The following ENAH variants were observed in gnomAD, a reference collection of about 807,000 sequenced individuals.
ENAH encodes the protein protein enabled homolog.
A neutral mutation model predicts 78.7 loss-of-function variants in ENAH; 23 were observed. The observed-to-expected ratio is 0.29, with a 90% CI of 0.21 to 0.41. The LOEUF (loss-of-function observed/expected upper bound fraction) is 0.41. Among genes scored for constraint, ENAH ranks in the 10% least tolerant of loss-of-function variants. The pLI is 1.00. For synonymous variants in ENAH, 226 were observed against 241.0 expected (o/e 0.94, Z 0.58); for missense variants, 544 against 691.0 (o/e 0.79, Z 2.39).
intron 1 of ENAH, among the ~76,000 whole-genome samples, chr1:225,580,013 C>T (rs1227836703): frequency 6.6e-6 from 1 of 152,126 alleles, no homozygotes; most frequent in Non-Finnish European, 1.5e-5. Context: ...TCTCACCCTA[C>T]TGTGTGATTC....
intron 2 of ENAH, among the ~76,000 whole-genome samples, chr1:225,556,079 G>A (rs552863623): frequency 9.9e-5 from 15 of 152,222 alleles, no homozygotes; most frequent in Non-Finnish European, 1.9e-4. Context: ...TATGGTAGTC[G>A]TTTGTATAAA....
In ENAH at chr1:225,495,251, C is replaced by A. The variant is rs1322467571; in HGVS notation, c.*2524G>T. On this transcript the variant is annotated 3_prime_UTR_variant, in exon 14 of 14. Transcript: ENST00000366843. The stretch of plus-strand genomic sequence containing the variant: ...CATCCAACGTACAAGAGCACAAAAA[C>A]CATCATAATAATGTGGTTCCAAGGA... 1 of 152,510 alleles carries A rather than the reference C, an allele frequency of 6.6e-6. No individual in the cohort carries two copies. Among genetic ancestry groups the A allele is most frequent in the Non-Finnish European group, 1.5e-5 (1 of 68,010 alleles). The allele number at this position is 152,510 out of a possible 1,614,324, so 9.4% of individuals were successfully genotyped here.
At chr1:225,583,386 A>G (rs2096828894) in intron 1 of ENAH, among the ~76,000 whole-genome samples, 1 of 148,672 alleles carries the variant, frequency 6.7e-6, no homozygotes. Flanking sequence ...GTGAGCCAAG[A>G]TCGCGCCATT....
chr1:225,652,635 G>C (rs1160720112), intron 1 of ENAH, 51 bp downstream of exon 1: 3 of 1,263,092 alleles, frequency 2.4e-6, no homozygotes, highest in Non-Finnish European at 3.0e-6. Context: ...CGGGGGTCGC[G>C]GCTCCCGCGG....
In ENAH at chr1:225,495,133, G is replaced by C. The variant is rs1035537687; in HGVS notation, c.*2642C>G. 6.6e-6 allele frequency: 1 copy of C among 152,612 alleles called. No individual in the cohort carries two copies. The highest frequency in any genetic ancestry group is 2.4e-5 in the African/African-American group (1 of 41,444). The allele number at this position is 152,612 out of a possible 1,614,324, so 9.5% of individuals were successfully genotyped here. The stretch of plus-strand genomic sequence containing the variant: ...TTGTGAGCCATTTACATAGTGGATA[G>C]TACAGACTTGTCACAGGTCAGATCA... On this transcript the variant is annotated 3_prime_UTR_variant, in exon 14 of 14. Coordinates refer to ENST00000366843, the MANE Select transcript of ENAH (RefSeq NM_018212.6).
In ENAH at chr1:225,488,160, T is replaced by G. The variant is rs2096207551; in HGVS notation, c.*9615A>C. 6.6e-6 allele frequency: 1 copy of G among 151,114 alleles called. No individual in the cohort carries two copies. Among genetic ancestry groups the G allele is most frequent in the Non-Finnish European group, 1.5e-5 (1 of 67,776 alleles). The allele number at this position is 151,114 out of a possible 1,614,324, so 9.4% of individuals were successfully genotyped here. A position where few individuals can be genotyped will look rare whatever the true frequency, so the allele number is the denominator to read the frequency against. On this transcript the variant is annotated 3_prime_UTR_variant, in exon 14 of 14. Coordinates refer to ENST00000366843, the MANE Select transcript of ENAH (RefSeq NM_018212.6). ...CAGCACAATAGTCAAGGACAAGGTT[T>G]TTATTTATTTATTTATTTATTATTT... is the stretch of plus-strand genomic sequence containing the variant.
Position 225,490,884 on chromosome 1 carries a change from C to T in ENAH, c.*6891G>A, listed in dbSNP as rs1177353339. The T allele has an allele frequency of 2.6e-5, 4 of 152,206 alleles. No individual in the cohort carries two copies. Among genetic ancestry groups the T allele is most frequent in the Non-Finnish European group, 5.9e-5 (4 of 68,068 alleles). 9.4% of individuals were successfully genotyped at this position (152,206 alleles called of 1,614,324 possible). ...GCCTACAGCTAACTCAAATTCATCA[C>T]CTCAGACTCACTGTGATGCCCAACC... On this transcript the variant is annotated 3_prime_UTR_variant, in exon 14 of 14. Coordinates refer to ENST00000366843, the MANE Select transcript of ENAH (RefSeq NM_018212.6).
rs184723775 is a variant in ENAH, at chr1:225,590,636, T to G, written c.6-23222A>C. Among the ~76,000 whole-genome samples, 122 of 152,186 alleles carry G rather than the reference T, an allele frequency of 8.0e-4. 1 individual carries two copies. The highest frequency in any genetic ancestry group is 2.9e-3 in the African/African-American group (122 of 41,528). ...CAGATGAAGGATACCAAAACCATACTGTCTGGCCCGAGCTAGAAACTGGAG... is the reference window on the plus strand; with the variant it reads ...CAGATGAAGGATACCAAAACCATACGGTCTGGCCCGAGCTAGAAACTGGAG... On this transcript the variant is annotated intron_variant, in intron 1 of 13. Coordinates refer to ENST00000366843, the MANE Select transcript of ENAH (RefSeq NM_018212.6).
rs2096403183 is a variant in ENAH at position 225,514,646 on chromosome 1, T to C, written c.1168A>G (p.Thr390Ala). 2 of 1,611,666 alleles carry C rather than the reference T, an allele frequency of 1.2e-6. No individual in the cohort carries two copies. The highest frequency in any genetic ancestry group is 1.7e-6 in the Non-Finnish European group (2 of 1,179,598). The change falls in exon 7 of 14, where the codon ACT becomes GCT. Residue 390 changes from threonine to alanine, a missense_variant. Physicochemically the swap from Thr to Ala is moderately conservative, Grantham distance 58 (BLOSUM62 0). Around this residue, in one of 4 missense-constraint regions of ENAH, gnomAD observed 366 missense variants for 396.1 expected, o/e 0.92. Coordinates refer to ENST00000366843, the MANE Select transcript of ENAH (RefSeq NM_018212.6). ...ASMSEDNRPLTGLAAAIAGAK... is the reference protein window; with the variant it reads ...ASMSEDNRPLAGLAAAIAGAK... The stretch of plus-strand genomic sequence containing the variant: ...CCGGCAATTGCAGCTGCAAGTCCAG[T>C]TAAAGGGCGATTGTCTTCTGACATG...
At chr1:225,536,341 A>G (rs1226129043) in intron 3 of ENAH, among the ~76,000 whole-genome samples, 4 of 152,144 alleles carry the variant, frequency 2.6e-5, no homozygotes, top group East Asian at 3.8e-4. Flanking sequence ...GGAAGGGTTT[A>G]TATGAAATCA....
At chr1:225,593,142 A>C (rs2096885083) in intron 1 of ENAH, among the ~76,000 whole-genome samples, 1 of 152,158 alleles carries the variant, frequency 6.6e-6, no homozygotes, top group Non-Finnish European at 1.5e-5. Flanking sequence ...AAGAGATGGC[A>C]CATAGTAGAC....
At chr1:225,558,858 C>T (rs981334872) in intron 2 of ENAH, among the ~76,000 whole-genome samples, 3 of 152,102 alleles carry the variant, frequency 2.0e-5, no homozygotes, top group Non-Finnish European at 2.9e-5. Flanking sequence ...AGGTCTTGAT[C>T]TCCTGACCTC....
chr1:225,605,587 AAATGCATGAGAT>A (rs2096952128), intron 1 of ENAH, among the ~76,000 whole-genome samples: 1 of 152,324 alleles, frequency 6.6e-6, no homozygotes, highest in African/African-American at 2.4e-5. Context: ...ATACTCCTTT[AAATGCATGAGAT>A]AATAAAAATA....
At chr1:225,579,975 C>G (rs2096807250) in intron 1 of ENAH, among the ~76,000 whole-genome samples, 1 of 152,118 alleles carries the variant, frequency 6.6e-6, no homozygotes, top group Non-Finnish European at 1.5e-5. Flanking sequence ...CACATAGCTT[C>G]CTAGTGGTAA....
At chr1:225,525,892 C>G (rs935591839) in intron 4 of ENAH, among the ~76,000 whole-genome samples, 2 of 151,984 alleles carry the variant, frequency 1.3e-5, no homozygotes, top group Non-Finnish European at 2.9e-5. Context: ...GGTGGGAGGT[C>G]TTTGTTTTTT....
At chr1:225,526,760 TCTC>T (rs991334267) in intron 4 of ENAH, among the ~76,000 whole-genome samples, 12 of 152,206 alleles carry the variant, frequency 7.9e-5, no homozygotes, top group Admixed American at 7.2e-4. Flanking sequence ...TGAAATATAT[TCTC>T]CTAGTTCTCT....
chr1:225,600,284 C>T (rs925626190), intron 1 of ENAH, among the ~76,000 whole-genome samples: 9 of 152,252 alleles, frequency 5.9e-5, no homozygotes, highest in African/African-American at 2.2e-4. Context: ...GGGAGGATCA[C>T]TTGAGCCCAG....
rs747087753 is a variant in ENAH, at chr1:225,495,799, TTAC to T, written c.*1973_*1975del. 21 of 152,624 alleles carry T rather than the reference TTAC, an allele frequency of 1.4e-4. No homozygotes were observed. Among genetic ancestry groups the T allele is most frequent in the Non-Finnish European group, 2.2e-4 (15 of 68,032 alleles). 9.5% of individuals were successfully genotyped at this position (152,624 alleles called of 1,614,324 possible). A position where few individuals can be genotyped will look rare whatever the true frequency, so the allele number is the denominator to read the frequency against. On this transcript the variant is annotated 3_prime_UTR_variant, in exon 14 of 14. Transcript: ENST00000366843. Reference sequence around the variant, plus strand: ...TAAGCTTGCTGCATCTTTGATGTTTTTACTACTACTGCATGACAATGAATATCT... The same window carrying T: ...TAAGCTTGCTGCATCTTTGATGTTTTTACTACTGCATGACAATGAATATCT...
chr1:225,644,467 G>A (rs1388792273), intron 1 of ENAH, among the ~76,000 whole-genome samples: 1 of 152,104 alleles, frequency 6.6e-6, no homozygotes, highest in African/African-American at 2.4e-5. Flanking sequence ...TTTGGGGGAG[G>A]AGGAGAAAGA....
Sources: allele counts gnomAD v4.1 joint callset (sites outside exome capture counted in the v4.1 genomes callset), GRCh38; gene constraint gnomAD v4.1.1; regional missense constraint gnomAD v4.1.1; transcripts MANE v1.5; gene names NCBI Gene and HGNC (gene_info 2026-07-23, HGNC 2026-07-21).